The following PRRC2C variants were observed in gnomAD, a reference collection of about 807,000 sequenced individuals.
PRRC2C encodes proline rich coiled-coil 2C.
Under a neutral mutation model 317.2 loss-of-function variants are expected in PRRC2C, and 72 were observed. The observed-to-expected ratio is 0.23, with a 90% CI of 0.19 to 0.28. The LOEUF is 0.28. Among genes scored for constraint, PRRC2C ranks in the 10% least tolerant of loss-of-function variants. PRRC2C has a pLI of 1.00. For synonymous variants in PRRC2C, 1,296 were observed against 1,205.9 expected (o/e 1.07, Z -1.55); for missense variants, 3,074 against 3,459.7 (o/e 0.89, Z 2.80).
At chr1:171,503,295 A>G (rs910445509) in intron 1 of PRRC2C, among the ~76,000 whole-genome samples, 7 of 152,108 alleles carry the variant, frequency 4.6e-5, no homozygotes, top group African/African-American at 1.7e-4. Context: ...AGGATGAGGC[A>G]GGTGGATCAT....
chr1:171,517,442 A>G, intron 5 of PRRC2C, 149 bp from the exon 6 acceptor site: 1 of 720,762 alleles, frequency 1.4e-6, no homozygotes, highest in Non-Finnish European at 2.3e-6. Flanking sequence ...TACGCAAACA[A>G]CTTGAAAGCA....
chr1:171,517,789 A>G lies in PRRC2C; in HGVS notation c.725A>G (p.Gln242Arg), dbSNP rs1041366253. 2 of 1,613,364 alleles carry G rather than the reference A, an allele frequency of 1.2e-6. No individual in the cohort carries two copies. Among genetic ancestry groups the G allele is most frequent in the Non-Finnish European group, 1.7e-6 (2 of 1,179,850 alleles). The change falls in exon 6 of 35, where the codon CAG (glutamine) becomes CGG (arginine). Residue 242 changes from glutamine to arginine, a missense_variant. This residue lies in a region of PRRC2C where 237 missense variants were observed against 199.5 expected (regional missense o/e 1.19). Transcript: ENST00000647382. Reference protein sequence around the residue: ...LNGQQAALASQYRAMMPPYMF... With the variant: ...LNGQQAALASRYRAMMPPYMF... ...GGACAGCAGGCTGCTCTCGCTTCCC[A>G]GTATAGAGCTATGATGCCTCCTTAT...
At chr1:171,491,692 A>G (rs1298616609) in intron 1 of PRRC2C, among the ~76,000 whole-genome samples, 9 of 152,212 alleles carry the variant, frequency 5.9e-5, no homozygotes, top group Non-Finnish European at 1.2e-4. Flanking sequence ...TCATTTATCC[A>G]GTGTACTTTA....
chr1:171,507,367 T>G (rs558844810), intron 1 of PRRC2C, among the ~76,000 whole-genome samples: 2 of 152,246 alleles, frequency 1.3e-5, no homozygotes, highest in African/African-American at 4.8e-5. Flanking sequence ...TCGCAGCACT[T>G]TGGGAGGCCG....
Position 171,561,090 on chromosome 1 carries a change from C to T in PRRC2C, c.6104C>T (p.Ala2035Val). Reference protein sequence around the residue: ...WNKPLTSFGSAPSSEGAKNGQ... With the variant: ...WNKPLTSFGSVPSSEGAKNGQ... The stretch of plus-strand genomic sequence containing the variant: ...AAGCCCTTAACATCGTTTGGATCAG[C>T]TCCTTCATCAGAGGTAAGAATAGGC... The change falls in exon 20 of 35, where the codon GCT becomes GTT. Residue 2035 changes from alanine (A) to valine (V), a missense_variant. By Grantham distance (64) the Ala-to-Val change is moderately conservative (BLOSUM62 0). Coordinates refer to ENST00000647382, the MANE Select transcript of PRRC2C (RefSeq NM_001387844.1). The T allele has an allele frequency of 6.3e-7, 1 of 1,598,478 alleles. No individual in the cohort carries two copies. The highest frequency in any genetic ancestry group is 8.6e-7 in the Non-Finnish European group (1 of 1,165,856).
intron 16 of PRRC2C, among the ~76,000 whole-genome samples, chr1:171,543,557 G>T (rs1327273133): frequency 1.3e-5 from 2 of 152,156 alleles, no homozygotes; most frequent in Non-Finnish European, 2.9e-5. Context: ...CTGGTATATA[G>T]TAAGTAATCA....
chr1:171,549,973 A>G, intron 17 of PRRC2C, 113 bp from the exon 18 acceptor site: 1 of 787,872 alleles, frequency 1.3e-6, no homozygotes, highest in Non-Finnish European at 1.8e-6. Context: ...AGTTATAGGA[A>G]CTAGGCCTTT....
chr1:171,544,139 G>T (rs750049944), intron 16 of PRRC2C, among the ~76,000 whole-genome samples: 5 of 151,838 alleles, frequency 3.3e-5, no homozygotes, highest in African/African-American at 4.8e-5. Context: ...GGGCGTGGGT[G>T]AGGGACGGAG....
chr1:171,583,232 C>T (rs235494), intron 28 of PRRC2C, among the ~76,000 whole-genome samples: 121,072 of 152,184 alleles, frequency 0.8, 48,331 homozygotes, highest in Middle Eastern at 0.88. Context: ...CCTCAGCCTC[C>T]CAAAGTGCTG....
rs1400094948 is a variant in PRRC2C at position 171,555,281 on chromosome 1, C to T, written c.5128-1959C>T. On this transcript the variant is annotated intron_variant, in intron 18 of 34. Transcript: ENST00000647382. ...GCTACTGAAGCTTGGGCATGTGTCA[C>T]GTAGCTCTCGTGCCATGGTTTTCAG... 2.0e-5 allele frequency among the ~76,000 whole-genome samples: 3 copies of T among 152,180 alleles called. No individual in the cohort carries two copies. The East Asian group carries it at 5.8e-4, about 29-fold the overall frequency.
intron 19 of PRRC2C, among the ~76,000 whole-genome samples, chr1:171,558,379 G>GT (rs552135213): frequency 6.7e-4 from 11 of 16,340 alleles, no homozygotes; most frequent in African/African-American, 8.5e-4. Flanking sequence ...GGCAATGTTT[G>GT]GGGGGGTCTT....
intron 10 of PRRC2C, among the ~76,000 whole-genome samples, chr1:171,526,812 T>TTTTTTTTTTTTTTTTTTG (rs1674666628): frequency 7.6e-6 from 1 of 131,936 alleles, no homozygotes. Context: ...TATCTTTTTT[T>TTTTTTTTTTTTTTTTTTG]TTTTTTTTTT....
Position 171,557,323 on chromosome 1 carries a change from A to G in PRRC2C, c.5211A>G (p.Thr1737=), listed in dbSNP as rs1681639772. The G allele has an allele frequency of 6.4e-7, 1 of 1,552,036 alleles. No individual in the cohort carries two copies. Among genetic ancestry groups the G allele is most frequent in the South Asian group, 1.2e-5 (1 of 84,062 alleles). Residue 1737 remains threonine (T), a synonymous_variant, in exon 19 of 35, where the codon ACA becomes ACG. Coordinates refer to ENST00000647382, the MANE Select transcript of PRRC2C (RefSeq NM_001387844.1). ...CAAGATTTGCCAAAAAACAGGCTAC[A>G]GGGATCCAGCAAGCACAGTCTTCAG... The part of the protein sequence containing the change: ...LPPRFAKKQA[T]GIQQAQSSAS...
At chr1:171,512,943 A>C in intron 2 of PRRC2C, 52 bp from the exon 3 acceptor site, 1 of 1,481,816 alleles carries the variant, frequency 6.7e-7, no homozygotes, top group South Asian at 1.4e-5. Context: ...TTGAGGAATA[A>C]AATGGGTAAT....
rs1352915175 is a variant in PRRC2C at position 171,587,144 on chromosome 1, C to T, written c.7891C>T (p.Pro2631Ser). 1 of 1,611,144 alleles carries T rather than the reference C, an allele frequency of 6.2e-7. No homozygotes were observed. Among genetic ancestry groups the T allele is most frequent in the East Asian group, 2.2e-5 (1 of 44,796 alleles). Residue 2631 changes from proline (P) to serine (S), a missense_variant, in exon 31 of 35, where the codon CCT becomes TCT. By Grantham distance (74) the Pro-to-Ser change is moderately conservative. This residue lies in a region of PRRC2C where 490 missense variants were observed against 663.1 expected (regional missense o/e 0.74). Transcript: ENST00000647382. ...AGCACAGGCTCAGAGTCTGAGTCGT[C>T]CTGCACAAGTAAGCCAGCCTTTCAG... ...PQAQAQSLSR[P>S]AQVSQPFRGL...
chr1:171,540,214 T>C lies in PRRC2C; in HGVS notation c.2748T>C (p.Ala916=). 6.2e-7 allele frequency: 1 copy of C among 1,613,922 alleles called. No individual in the cohort carries two copies. ...CTCCTCAAGAGGAGCGGATTTCAGC[T>C]GTAGAAAGTCAGCCTTCCCGGAAAA... ...LSAPQEERIS[A]VESQPSRKRS... The change falls in exon 16 of 35, where the codon GCT becomes GCC. Residue 916 remains alanine (A), a synonymous_variant. Transcript: ENST00000647382.
At chr1:171,486,181 C>T (rs1388215246) in intron 1 of PRRC2C, among the ~76,000 whole-genome samples, 3 of 143,022 alleles carry the variant, frequency 2.1e-5, no homozygotes, top group Non-Finnish European at 4.5e-5. Context: ...CCGGGGCTTT[C>T]ACTGTCTACC....
intron 1 of PRRC2C, among the ~76,000 whole-genome samples, chr1:171,490,029 C>G (rs1398933929): frequency 6.6e-6 from 1 of 152,104 alleles, no homozygotes; most frequent in East Asian, 1.9e-4. Flanking sequence ...AAGTGATTCT[C>G]CTACCTCAGC....
At chr1:171,520,746 G>C (rs1018358588) in intron 6 of PRRC2C, among the ~76,000 whole-genome samples, 49 of 147,284 alleles carry the variant, frequency 3.3e-4, no homozygotes, top group African/African-American at 1.2e-3. Context: ...TTCAGCTGTT[G>C]CTTGACTTAA....
Sources: allele counts gnomAD v4.1 joint callset (sites outside exome capture counted in the v4.1 genomes callset), GRCh38; gene constraint gnomAD v4.1.1; regional missense constraint gnomAD v4.1.1; transcripts MANE v1.5; gene names NCBI Gene and HGNC (gene_info 2026-07-23, HGNC 2026-07-21).